E2F1: variants seen among roughly 807,000 people sequenced by gnomAD.
The protein encoded by E2F1 is transcription factor E2F1.
In E2F1, 7 loss-of-function variants were observed where a neutral mutation model predicts 36.9. That is an observed-to-expected ratio of 0.19 (90% CI 0.11 to 0.36). The LOEUF (loss-of-function observed/expected upper bound fraction) is 0.36, where lower values mean the gene tolerates loss of function less well. Ranked by LOEUF, E2F1 falls within the 10% of genes least tolerant of loss-of-function variation. The probability of loss-of-function intolerance (pLI) is 1.00; values close to 1 mark genes in which losing one functional copy is unlikely to be tolerated. For synonymous variants in E2F1, 261 were observed against 263.1 expected (o/e 0.99, Z 0.08); for missense variants, 406 against 573.6 (o/e 0.71, Z 2.99).
chr20:33,681,445 T>C (rs987569650), intron 1 of E2F1, among the ~76,000 whole-genome samples: 3 of 152,162 alleles, frequency 2.0e-5, no homozygotes, highest in Non-Finnish European at 4.4e-5. Flanking sequence ...TTGCATCCAT[T>C]AGTTCATTCC....
intron 1 of E2F1, among the ~76,000 whole-genome samples, chr20:33,681,484 C>T (rs1601187523): frequency 6.6e-6 from 1 of 152,164 alleles, no homozygotes; most frequent in South Asian, 2.1e-4. Flanking sequence ...ATAAAAATGG[C>T]CCCATTTTCC....
At position 33,679,873 on chromosome 20, in the gene E2F1, C is replaced by T. The variant is rs2122546179; in HGVS notation, c.454G>A (p.Asp152Asn). 2 of 1,614,208 alleles carry T rather than the reference C, an allele frequency of 1.2e-6. No homozygotes were observed. Among genetic ancestry groups the T allele is most frequent in the Non-Finnish European group, 1.7e-6 (2 of 1,180,044 alleles). Residue 152 changes from aspartate (D) to asparagine (N), a missense_variant, in exon 3 of 7, where the codon GAC (aspartate) becomes AAC (asparagine). Physicochemically the swap from Asp to Asn is conservative, Grantham distance 23. This residue lies in a region of E2F1 where 77 missense variants were observed against 131.7 expected (regional missense o/e 0.58). Coordinates refer to ENST00000343380, the MANE Select transcript of E2F1 (RefSeq NM_005225.3). This position sits in a 1 kb window ranked among gnomAD's most constrained non-coding sequence, Gnocchi z 4.6. ...LLSHSADGVV[D>N]LNWAAEVLKV... ...AGCACCTCGGCAGCCCAGTTCAGGT[C>T]GACGACACCGTCAGCCGAGTGGCTC...
Position 33,678,252 on chromosome 20 carries a change from T to C in E2F1, c.674A>G (p.Asn225Ser), listed in dbSNP as rs1161856955. ...CAGGCGCAGCTGCGTAGTACAGATA[T>C]TCATCAGGTGGTCCAGCTGCTGCTC... ...ESEQQLDHLM[N>S]ICTTQLRLLS... Residue 225 changes from asparagine to serine, a missense_variant, in exon 4 of 7, where the codon AAT (asparagine) becomes AGT (serine). Coordinates refer to ENST00000343380, the MANE Select transcript of E2F1 (RefSeq NM_005225.3). The C allele has an allele frequency of 2.5e-6, 4 of 1,613,670 alleles. No individual in the cohort carries two copies. The highest frequency in any genetic ancestry group is 3.4e-6 in the Non-Finnish European group (4 of 1,180,040).
chr20:33,684,506 A>G (rs2018047346), intron 1 of E2F1, among the ~76,000 whole-genome samples: 1 of 152,178 alleles, frequency 6.6e-6, no homozygotes, highest in African/African-American at 2.4e-5. Context: ...CCAGAGGTCA[A>G]CCTCAGAGGA....
chr20:33,677,571 GACTTCTAGGGGGTC>G (rs1463741110), intron 4 of E2F1, 31 bp from the exon 5 acceptor site: 2 of 1,555,042 alleles, frequency 1.3e-6, no homozygotes, highest in Non-Finnish European at 1.8e-6. Flanking sequence ...CATGACCTTT[GACTTCTAGGGGGTC>G]ACTCACTCCA....
Position 33,679,955 on chromosome 20 carries a change from C to T in E2F1, c.372G>A (p.Glu124=), listed in dbSNP as rs2018003193. The T allele has an allele frequency of 6.2e-7, 1 of 1,613,976 alleles. No homozygotes were observed. The highest frequency in any genetic ancestry group is 8.5e-7 in the Non-Finnish European group (1 of 1,179,968). ...TCAGTGAGGTCTCATAGCGTGACTT[C>T]TCCCCCGGGGATTTCACACCTGTGG... ...HPGKGVKSPG[E]KSRYETSLNL... Residue 124 remains glutamate, a synonymous_variant, in exon 3 of 7, where the codon GAG becomes GAA. Transcript: ENST00000343380. This position sits in a 1 kb window ranked among gnomAD's most constrained non-coding sequence, Gnocchi z 4.6.
chr20:33,685,976 G>T (rs977893479), intron 1 of E2F1, 28 bp downstream of exon 1: 7 of 1,125,654 alleles, frequency 6.2e-6, no homozygotes, highest in Non-Finnish European at 6.5e-6. Flanking sequence ...AGGCGGCGCT[G>T]TCGGCGCGGC....
chr20:33,676,423 C>T lies in E2F1; in HGVS notation c.*309G>A. The T allele has an allele frequency of 3.1e-6, 1 of 317,738 alleles. No individual in the cohort carries two copies. The highest frequency in any genetic ancestry group is 4.7e-5 in the Admixed American group (1 of 21,262). 19.7% of individuals were successfully genotyped at this position (317,738 alleles called of 1,614,324 possible). Reference sequence around the variant, plus strand: ...CACTGGGGCGTGTCTGCAGTGCACACACAGAGGTGTATGTTCACCTTCATT... The same window carrying T: ...CACTGGGGCGTGTCTGCAGTGCACATACAGAGGTGTATGTTCACCTTCATT... On this transcript the variant is annotated 3_prime_UTR_variant, in exon 7 of 7. Transcript: ENST00000343380.
Position 33,679,698 on chromosome 20 carries a change from G to T in E2F1, c.572+57C>A. 6.5e-7 allele frequency: 1 copy of T among 1,539,732 alleles called. No homozygotes were observed. The highest frequency in any genetic ancestry group is 9.0e-7 in the Non-Finnish European group (1 of 1,114,200). ...GCAGCCACAGTGGGTATTACTACCA[G>T]CTCCTCCAGGCTGGCATGGGCAGGT... On this transcript the variant is annotated intron_variant, in intron 3 of 6. Coordinates refer to ENST00000343380, the MANE Select transcript of E2F1 (RefSeq NM_005225.3). This position sits in a 1 kb window ranked among gnomAD's most constrained non-coding sequence, Gnocchi z 4.6.
In E2F1 at chr20:33,677,155, G is replaced by A. The variant is rs764626563; in HGVS notation, c.1016C>T (p.Pro339Leu). ...TIVSPPPSSP[P>L]SSLTTDPSQS... The stretch of plus-strand genomic sequence containing the variant: ...GCTGGGATCTGTGGTGAGGGATGAG[G>A]GGGGAGATGATGGTGGTGGTGACAC... The change falls in exon 6 of 7, where the codon CCC becomes CTC. Residue 339 changes from proline (P) to leucine (L), a missense_variant. Pro to Leu is a moderately conservative substitution (Grantham distance 98). Coordinates refer to ENST00000343380, the MANE Select transcript of E2F1 (RefSeq NM_005225.3). 3.1e-6 allele frequency: 5 copies of A among 1,614,040 alleles called. No homozygotes were observed. The highest frequency in any genetic ancestry group is 1.6e-4 in the Middle Eastern group (1 of 6,084).
chr20:33,675,697 A>G lies in E2F1; in HGVS notation c.*1035T>C, dbSNP rs1435091764. 1 of 158,804 alleles carries G rather than the reference A, an allele frequency of 6.3e-6. No individual in the cohort carries two copies. The highest frequency in any genetic ancestry group is 1.4e-5 in the Non-Finnish European group (1 of 72,034). 9.8% of individuals were successfully genotyped at this position (158,804 alleles called of 1,614,324 possible). A position where few individuals can be genotyped will look rare whatever the true frequency, so the allele number is the denominator to read the frequency against. On this transcript the variant is annotated 3_prime_UTR_variant, in exon 7 of 7. Transcript: ENST00000343380. ...AACCCGGCCCAAACGTCATCAAAATATTTATTAAAACCAAAGCAGGAGGGA... is the reference window on the plus strand; with the variant it reads ...AACCCGGCCCAAACGTCATCAAAATGTTTATTAAAACCAAAGCAGGAGGGA...
rs138360482 is a variant in E2F1, at chr20:33,677,154, G to A, written c.1017C>T (p.Pro339=). ...TIVSPPPSSP[P]SSLTTDPSQS... Reference sequence around the variant, plus strand: ...GGCTGGGATCTGTGGTGAGGGATGAGGGGGGAGATGATGGTGGTGGTGACA... The same window carrying A: ...GGCTGGGATCTGTGGTGAGGGATGAAGGGGGAGATGATGGTGGTGGTGACA... The change falls in exon 6 of 7, where the codon CCC becomes CCT. Residue 339 remains proline (P), a synonymous_variant. Transcript: ENST00000343380. The A allele has an allele frequency of 7.4e-4, 1,190 of 1,614,082 alleles. 6 individuals carry two copies. The African/African-American group carries it at 0.014, about 19-fold the overall frequency.
At chr20:33,680,036 C>A (rs2018003989) in intron 2 of E2F1, 62 bp from the exon 3 acceptor site, 4 of 1,395,132 alleles carry the variant, frequency 2.9e-6, no homozygotes, top group Non-Finnish European at 3.0e-6. Context: ...TCCAGCCAGG[C>A]CTGCCACTCT....
At chr20:33,680,789 G>A (rs1035977278) in intron 1 of E2F1, among the ~76,000 whole-genome samples, 6 of 152,280 alleles carry the variant, frequency 3.9e-5, no homozygotes, top group South Asian at 2.1e-4. Context: ...GGTCAGAGGC[G>A]CTGGAGCTTC....
chr20:33,680,235 C>A, intron 2 of E2F1, 91 bp downstream of exon 2: 5 of 1,405,992 alleles, frequency 3.6e-6, no homozygotes, highest in Non-Finnish European at 4.9e-6. Context: ...CCCGACAAGC[C>A]AGACGTTAGC....
chr20:33,676,988 ACGGGGAGC>A lies in E2F1; in HGVS notation c.1067-17_1067-10del. On this transcript the variant is annotated splice_polypyrimidine_tract_variant and intron_variant, in intron 6 of 6. Coordinates refer to ENST00000343380, the MANE Select transcript of E2F1 (RefSeq NM_005225.3). The stretch of plus-strand genomic sequence containing the variant: ...CCGGGACAACAGCGGTTCTGGGGAG[ACGGGGAGC>A]ATCACAGGCCGGGGATGCCCCAGCA... 1 of 1,559,570 alleles carries A rather than the reference ACGGGGAGC, an allele frequency of 6.4e-7. No individual in the cohort carries two copies. Among genetic ancestry groups the A allele is most frequent in the East Asian group, 2.3e-5 (1 of 43,100 alleles).
chr20:33,678,405 C>T, intron 3 of E2F1, 52 bp from the exon 4 acceptor site: 1 of 1,600,590 alleles, frequency 6.2e-7, no homozygotes. Flanking sequence ...GCCCCTCTGG[C>T]CAGGAGCCCT....
rs907212730 is a variant in E2F1 at position 33,679,724 on chromosome 20, G to A, written c.572+31C>T. 4 of 1,588,976 alleles carry A rather than the reference G, an allele frequency of 2.5e-6. 1 individual carries two copies. The highest frequency in any genetic ancestry group is 2.2e-5 in the South Asian group (2 of 90,588). On this transcript the variant is annotated intron_variant, in intron 3 of 6. Coordinates refer to ENST00000343380, the MANE Select transcript of E2F1 (RefSeq NM_005225.3). The surrounding 1 kb of genome is among the most constrained non-coding windows in gnomAD (Gnocchi z 4.6). ...CTCCTCCAGGCTGGCATGGGCAGGT[G>A]TGCCTGCCCTCCTGTGTGGCCGGTA...
At position 33,682,039 on chromosome 20, in the gene E2F1, C is replaced by T. The variant is rs149723690; in HGVS notation, c.262-1623G>A. Among the ~76,000 whole-genome samples, 22 of 139,744 alleles carry T rather than the reference C, an allele frequency of 1.6e-4. No homozygotes were observed. The East Asian group carries it at 2.6e-3, about 16-fold the overall frequency. 91.7% of individuals were successfully genotyped at this position (139,744 alleles called of 152,430 possible). A position where few individuals can be genotyped will look rare whatever the true frequency, so the allele number is the denominator to read the frequency against. On this transcript the variant is annotated intron_variant, in intron 1 of 6. Transcript: ENST00000343380. ...TCTACCTCTGTGGGCAGAAACCTTA[C>T]GCATCAGCTAGGAGGTGTCACCTCT...
Sources: gnomAD v4.1 joint callset for allele counts (sites outside exome capture counted in the v4.1 genomes callset) on GRCh38, gnomAD v4.1.1 for gene constraint, gnomAD v4.1.1 regional missense constraint, Gnocchi (gnomAD v3.1) non-coding constraint, MANE v1.5 for transcripts, NCBI Gene and HGNC (gene_info 2026-07-23, HGNC 2026-07-21) for gene names.